The following LYPD6B variants were observed in gnomAD, a reference collection of about 807,000 sequenced individuals.
LYPD6B encodes the protein ly6/PLAUR domain-containing protein 6B.
A neutral mutation model predicts 22.8 loss-of-function variants in LYPD6B; 17 were observed. That is an observed-to-expected ratio of 0.75 (90% CI 0.51 to 1.12). The LOEUF (loss-of-function observed/expected upper bound fraction) is 1.12, where lower values mean the gene tolerates loss of function less well. Among genes scored for constraint, LYPD6B ranks in the 50% most tolerant of loss-of-function variants. The pLI is 0.00. For synonymous variants in LYPD6B, 106 were observed against 91.6 expected, an observed-to-expected ratio of 1.16 and a Z score of -0.90; for missense variants, 221 against 258.3, an observed-to-expected ratio of 0.86 and a Z score of 0.99.
At chr2:149,144,819 G>C (rs540371195) in intron 2 of LYPD6B, among the ~76,000 whole-genome samples, 1 of 152,158 alleles carries the variant, frequency 6.6e-6, no homozygotes, top group Non-Finnish European at 1.5e-5. Context: ...ACATTTAATG[G>C]CTTTTCCACT....
intron 1 of LYPD6B, among the ~76,000 whole-genome samples, chr2:149,099,766 T>C (rs1268577530): frequency 3.3e-5 from 5 of 152,190 alleles, no homozygotes; most frequent in African/African-American, 1.2e-4. Context: ...ACCCTGTTTG[T>C]CCCAGAACTG....
At chr2:149,146,877 A>G (rs1474830566) in intron 2 of LYPD6B, among the ~76,000 whole-genome samples, 1 of 152,210 alleles carries the variant, frequency 6.6e-6, no homozygotes, top group Non-Finnish European at 1.5e-5. Context: ...AGAATCTTCT[A>G]CAAATTTTAT....
Position 149,125,413 on chromosome 2 carries a change from G to GCCCCTCTT in LYPD6B, c.-66-5468_-66-5467insCCTCTTCC, listed in dbSNP as rs1338685042. ...CTAAGCCCCTCTTCCACCCAGGGAA[G>GCCCCTCTT]CCACCCTGCCTCCAGGGGCCATGGA... On this transcript the variant is annotated intron_variant, in intron 1 of 6. Transcript: ENST00000409642. Among the ~76,000 whole-genome samples the GCCCCTCTT allele has an allele frequency of 2.0e-5, 3 of 152,154 alleles. No individual in the cohort carries two copies. In the East Asian group the frequency reaches 5.8e-4, roughly 29 times the overall value.
In LYPD6B at chr2:149,169,193, CCT is replaced by C. The variant is rs1386273522; in HGVS notation, c.77+8359_77+8360del. Among the ~76,000 whole-genome samples, 3 of 152,058 alleles carry C rather than the reference CCT, an allele frequency of 2.0e-5. No homozygotes were observed. In the South Asian group the frequency reaches 6.2e-4, roughly 32 times the overall value. On this transcript the variant is annotated intron_variant, in intron 3 of 6. Transcript: ENST00000409642. Reference sequence around the variant, plus strand: ...CGCTCTTGGGGGTCTAGGTGAGAGACCTAGCTGTCTCTCACCTGTCCATCTTC... The same window carrying C: ...CGCTCTTGGGGGTCTAGGTGAGAGACAGCTGTCTCTCACCTGTCCATCTTC...
rs561433120 is a variant in LYPD6B, at chr2:149,064,632, C to T, written c.-67+25831C>T. On this transcript the variant is annotated intron_variant, in intron 1 of 6. Coordinates refer to ENST00000409642, the MANE Select transcript of LYPD6B (RefSeq NM_177964.5). ...GAGACATATCTTTGAGGTCACACAA[C>T]AAGTTAACAGTAGATAAACATTAGA... 3.9e-5 allele frequency among the ~76,000 whole-genome samples: 6 copies of T among 152,308 alleles called. No homozygotes were observed. In the South Asian group the frequency reaches 1.0e-3, roughly 26 times the overall value.
At chr2:149,090,655 A>T (rs1323194309) in intron 1 of LYPD6B, among the ~76,000 whole-genome samples, 1 of 151,452 alleles carries the variant, frequency 6.6e-6, no homozygotes, top group Non-Finnish European at 1.5e-5. Context: ...CACTTTTCTT[A>T]AAAAAAAACC....
chr2:149,039,059 G>T (rs1317488507), intron 1 of LYPD6B, among the ~76,000 whole-genome samples: 1 of 151,936 alleles, frequency 6.6e-6, no homozygotes, highest in Admixed American at 6.5e-5. Flanking sequence ...GCAGGGGGCC[G>T]GGGCAAGGCT....
intron 1 of LYPD6B, among the ~76,000 whole-genome samples, chr2:149,062,757 T>C (rs1369101238): frequency 6.6e-6 from 1 of 151,850 alleles, no homozygotes; most frequent in Non-Finnish European, 1.5e-5. Flanking sequence ...AAAAGAAAGA[T>C]CATCATGTCC....
chr2:149,156,599 A>G (rs1031380391), intron 2 of LYPD6B, among the ~76,000 whole-genome samples: 2 of 152,078 alleles, frequency 1.3e-5, no homozygotes, highest in Admixed American at 6.6e-5. Flanking sequence ...GTGTCTTCCT[A>G]TTTTCTTCCA....
intron 1 of LYPD6B, among the ~76,000 whole-genome samples, chr2:149,083,115 CA>C (rs1274578308): frequency 1.3e-5 from 2 of 151,902 alleles, no homozygotes; most frequent in Non-Finnish European, 2.9e-5. Context: ...TAAAATGTCA[CA>C]GGGGGGCATA....
At chr2:149,170,179 C>T (rs1272937206) in intron 3 of LYPD6B, among the ~76,000 whole-genome samples, 1 of 152,200 alleles carries the variant, frequency 6.6e-6, no homozygotes, top group Non-Finnish European at 1.5e-5. Context: ...GGCAAAGATA[C>T]AGCTATGAAA....
intron 1 of LYPD6B, among the ~76,000 whole-genome samples, chr2:149,075,309 GA>G (rs1192077568): frequency 6.6e-6 from 1 of 152,178 alleles, no homozygotes; most frequent in Non-Finnish European, 1.5e-5. Flanking sequence ...TATAGTAATA[GA>G]AAAATGTAGA....
At chr2:149,094,537 G>GTGGT (rs150478092) in intron 1 of LYPD6B, among the ~76,000 whole-genome samples, 1 of 152,364 alleles carries the variant, frequency 6.6e-6, no homozygotes, top group Non-Finnish European at 1.5e-5. Flanking sequence ...GGTTCTGGAT[G>GTGGT]TGGTGCCTGT....
intron 2 of LYPD6B, 140 bp from the exon 3 acceptor site, chr2:149,160,610 TTTGATATTGTTCAA>T (rs1233984544): frequency 5.8e-6 from 4 of 687,580 alleles, no homozygotes; most frequent in Non-Finnish European, 1.1e-5. Flanking sequence ...ATTTCATGCA[TTTGATATTGTTCAA>T]TTGACTGTAT....
At chr2:149,176,408 G>A (rs1691312005) in intron 3 of LYPD6B, among the ~76,000 whole-genome samples, 1 of 152,200 alleles carries the variant, frequency 6.6e-6, no homozygotes, top group African/African-American at 2.4e-5. Flanking sequence ...ACCACCTGGT[G>A]AGCTCAGGAC....
intron 6 of LYPD6B, 66 bp downstream of exon 6, chr2:149,213,188 G>A: frequency 1.3e-6 from 2 of 1,583,884 alleles, no homozygotes; most frequent in Admixed American, 3.4e-5. Flanking sequence ...GTAGATCAAA[G>A]GAGAGGCAGG....
chr2:149,079,166 C>A (rs992948434), intron 1 of LYPD6B, among the ~76,000 whole-genome samples: 6 of 151,372 alleles, frequency 4.0e-5, no homozygotes, highest in Non-Finnish European at 8.8e-5. Context: ...TCTGTGAGGG[C>A]GGGGCTGGTG....
At chr2:149,122,039 T>A (rs1470205382) in intron 1 of LYPD6B, among the ~76,000 whole-genome samples, 2 of 152,146 alleles carry the variant, frequency 1.3e-5, no homozygotes, top group East Asian at 3.8e-4. Flanking sequence ...ATCACCATAA[T>A]TGTGGAAGTT....
chr2:149,202,132 C>G (rs1210038865), intron 3 of LYPD6B, among the ~76,000 whole-genome samples: 1 of 152,156 alleles, frequency 6.6e-6, no homozygotes, highest in Non-Finnish European at 1.5e-5. Context: ...TGTTCACTAT[C>G]ATTTATATCC....
Sources: gnomAD v4.1 joint callset for allele counts (sites outside exome capture counted in the v4.1 genomes callset) on GRCh38, gnomAD v4.1.1 for gene constraint, MANE v1.5 for transcripts, NCBI Gene and HGNC (gene_info 2026-07-23, HGNC 2026-07-21) for gene names.